Variants in TP63 observed in about 807,000 individuals in gnomAD.
TP63 encodes the protein tumor protein 63.
A neutral mutation model predicts 82.8 loss-of-function variants in TP63; 17 were observed. The ratio of observed to expected loss-of-function variants is 0.21; its 90% confidence interval spans 0.14 to 0.31. The LOEUF (loss-of-function observed/expected upper bound fraction) is 0.31, where lower values mean the gene tolerates loss of function less well. Among genes scored for constraint, TP63 ranks in the 10% least tolerant of loss-of-function variants. The probability of loss-of-function intolerance (pLI) is 1.00; values close to 1 mark genes in which losing one functional copy is unlikely to be tolerated. For synonymous variants in TP63, 330 were observed against 321.7 expected, an observed-to-expected ratio of 1.03 and a Z score of -0.28; for missense variants, 648 against 895.3, an observed-to-expected ratio of 0.72 and a Z score of 3.52.
At chr3:189,639,771 A>G (rs1711650962) in intron 1 of TP63, among the ~76,000 whole-genome samples, 1 of 152,172 alleles carries the variant, frequency 6.6e-6, no homozygotes, top group African/African-American at 2.4e-5. Context: ...ATGGCCGGCT[A>G]GAAAAGGTGT....
intron 10 of TP63, among the ~76,000 whole-genome samples, chr3:189,882,004 TAAG>T: frequency 7.8e-6 from 1 of 128,522 alleles, no homozygotes; most frequent in South Asian, 2.4e-4. Flanking sequence ...AAAAGCTTCA[TAAG>T]AAGTTCTAAC....
chr3:189,625,252 T>G, the TP63 span, among the ~76,000 whole-genome samples: 6 of 152,312 alleles, frequency 3.9e-5, no homozygotes, highest in South Asian at 1.2e-3. Flanking sequence ...GGGGAAAACC[T>G]GTTGGTAGGC....
intron 10 of TP63, among the ~76,000 whole-genome samples, chr3:189,882,339 A>G (rs1720004701): frequency 6.6e-6 from 1 of 152,168 alleles, no homozygotes. Flanking sequence ...TTTCCCATCT[A>G]GAGAATAAAT....
In TP63 at chr3:189,879,091, G is replaced by A. The variant is rs185394916; in HGVS notation, c.1349+6096G>A. Among the ~76,000 whole-genome samples, 3 of 152,266 alleles carry A rather than the reference G, an allele frequency of 2.0e-5. No individual in the cohort carries two copies. In the East Asian group the frequency reaches 5.8e-4, roughly 29 times the overall value. ...ATTGCAGAATCAGGCTCAGTCCTAG[G>A]TCTTAGAGGTCTTTAGTTAGCTGTA... On this transcript the variant is annotated intron_variant, in intron 10 of 13. Transcript: ENST00000264731.
intron 1 of TP63, among the ~76,000 whole-genome samples, chr3:189,684,632 C>CTTTTTTT (rs11379017): frequency 7.4e-6 from 1 of 134,702 alleles, no homozygotes; most frequent in African/African-American, 2.7e-5. Context: ...TTCTTTCTTT[C>CTTTTTTT]TTTTTTTTTT....
At chr3:189,855,888 G>A (rs570252467) in intron 4 of TP63, among the ~76,000 whole-genome samples, 7 of 152,096 alleles carry the variant, frequency 4.6e-5, no homozygotes, top group South Asian at 2.1e-4. Flanking sequence ...TTGGGGAGAC[G>A]TTGACAAAAG....
chr3:189,718,384 CTGACAACCA>C (rs1336821082), intron 1 of TP63, among the ~76,000 whole-genome samples: 4 of 151,294 alleles, frequency 2.6e-5, no homozygotes, highest in Non-Finnish European at 4.4e-5. Flanking sequence ...CCTCAGGAAA[CTGACAACCA>C]TGACAGAAGG....
At chr3:189,685,463 TTC>T (rs1459996315) in intron 1 of TP63, among the ~76,000 whole-genome samples, 1 of 152,186 alleles carries the variant, frequency 6.6e-6, no homozygotes, top group Non-Finnish European at 1.5e-5. Context: ...GCTTCTTTTG[TTC>T]TCTAAGGCCC....
chr3:189,662,099 G>T (rs114205115), intron 1 of TP63, among the ~76,000 whole-genome samples: 2,074 of 151,786 alleles, frequency 0.014, 54 homozygotes, highest in African/African-American at 0.048. Flanking sequence ...TTCTTTTCTT[G>T]TGCTAATTTT....
intron 4 of TP63, chr3:189,844,400 C>G (rs1347129140): frequency 2.9e-6 from 1 of 344,712 alleles, no homozygotes; most frequent in East Asian, 9.4e-5. Context: ...ATTCTCCTTT[C>G]TCAGCCTCCC....
intron 3 of TP63, among the ~76,000 whole-genome samples, chr3:189,793,530 A>T (rs540298386): frequency 6.6e-6 from 1 of 152,136 alleles, no homozygotes; most frequent in African/African-American, 2.4e-5. Context: ...TTAAAAAGGG[A>T]TTTGGATCAA....
chr3:189,784,880 A>C (rs992269269), intron 3 of TP63, among the ~76,000 whole-genome samples: 18 of 152,050 alleles, frequency 1.2e-4, no homozygotes, highest in African/African-American at 4.1e-4. Flanking sequence ...AGAGGAAGGT[A>C]AACACTTAAT....
At chr3:189,791,788 T>A (rs1036248129) in intron 3 of TP63, among the ~76,000 whole-genome samples, 2 of 152,110 alleles carry the variant, frequency 1.3e-5, no homozygotes, top group African/African-American at 2.4e-5. Flanking sequence ...TCATATCTAG[T>A]CCTCTGTTAA....
At chr3:189,864,543 T>A in intron 5 of TP63, 125 bp downstream of exon 5, 1 of 62,290 alleles carries the variant, frequency 1.6e-5, no homozygotes, top group Non-Finnish European at 2.6e-5. Flanking sequence ...CAGTCTGCCT[T>A]TTTTTTTTTT....
the TP63 span, among the ~76,000 whole-genome samples, chr3:189,618,516 A>G: frequency 6.6e-6 from 1 of 152,202 alleles, no homozygotes; most frequent in Non-Finnish European, 1.5e-5. Context: ...TCATAATGGT[A>G]AATATGGCCT....
chr3:189,839,868 T>C (rs797007729), intron 4 of TP63, among the ~76,000 whole-genome samples: 5 of 152,310 alleles, frequency 3.3e-5, no homozygotes, highest in African/African-American at 1.2e-4. Context: ...GTCCTCTTTT[T>C]CAGCCCTGTA....
At chr3:189,834,668 T>G (rs151214336) in intron 4 of TP63, among the ~76,000 whole-genome samples, 1 of 152,304 alleles carries the variant, frequency 6.6e-6, no homozygotes, top group Non-Finnish European at 1.5e-5. Context: ...CAGGTCGCTT[T>G]CATCTGTCTG....
chr3:189,780,911 T>C (rs1400582813), intron 3 of TP63, among the ~76,000 whole-genome samples: 1 of 152,188 alleles, frequency 6.6e-6, no homozygotes, highest in African/African-American at 2.4e-5. Flanking sequence ...CTCTTCTTCT[T>C]CTTAAAATGC....
At chr3:189,843,044 A>G (rs1714357979) in intron 4 of TP63, among the ~76,000 whole-genome samples, 1 of 152,210 alleles carries the variant, frequency 6.6e-6, no homozygotes, top group South Asian at 2.1e-4. Flanking sequence ...TTCCAAATCC[A>G]TACCCTCAGG....
Sources: gnomAD v4.1 joint callset for allele counts (sites outside exome capture counted in the v4.1 genomes callset) on GRCh38, gnomAD v4.1.1 for gene constraint, MANE v1.5 for transcripts, NCBI Gene and HGNC (gene_info 2026-07-23, HGNC 2026-07-21) for gene names.